Variants in LRRC37A2 observed in about 807,000 individuals in gnomAD.
The protein encoded by LRRC37A2 is leucine rich repeat containing 37 member A2.
A neutral mutation model predicts 68.8 loss-of-function variants in LRRC37A2; 9 were observed. The observed-to-expected ratio is 0.13, with a 90% CI of 0.08 to 0.23. LRRC37A2 has a LOEUF of 0.23. LRRC37A2 is among the 10% of genes least tolerant of loss of function. The pLI, the probability that LRRC37A2 is intolerant of heterozygous loss-of-function variation, is 1.00. For missense variants in LRRC37A2, 168 were observed against 950.4 expected (o/e 0.18, Z 10.82); for synonymous variants, 63 against 367.6 (o/e 0.17, Z 9.48).
the LRRC37A2 span, among the ~76,000 whole-genome samples, chr17:46,897,153 G>A: frequency 6.6e-6 from 1 of 152,228 alleles, no homozygotes; most frequent in Non-Finnish European, 1.5e-5. Context: ...GCACCAGGCA[G>A]ACTCTGGCTT....
At chr17:46,768,413 C>T in the LRRC37A2 span, 4 of 1,613,990 alleles carry the variant, frequency 2.5e-6, no homozygotes, top group Non-Finnish European at 3.4e-6. The surrounding 1 kb of genome is among the most constrained non-coding windows in gnomAD (Gnocchi z 5.0). Flanking sequence ...TTTCCTTCCG[C>T]TTCTCCGTCC....
chr17:46,839,704 C>T, the LRRC37A2 span, among the ~76,000 whole-genome samples: 1 of 152,092 alleles, frequency 6.6e-6, no homozygotes, highest in African/African-American at 2.4e-5. Flanking sequence ...CAAGAGGCCC[C>T]AGTGTGTGAT....
chr17:46,776,631 C>T, the LRRC37A2 span, among the ~76,000 whole-genome samples: 2 of 152,158 alleles, frequency 1.3e-5, no homozygotes, highest in Non-Finnish European at 2.9e-5. Flanking sequence ...CCAGCCCAGC[C>T]CTGCTGTGCC....
At chr17:46,931,087 T>C in the LRRC37A2 span, 4 of 1,367,564 alleles carry the variant, frequency 2.9e-6, no homozygotes, top group Non-Finnish European at 4.2e-6. Context: ...TTCTTTTTTC[T>C]TTTTTGTACA....
At chr17:46,910,700 G>A in the LRRC37A2 span, among the ~76,000 whole-genome samples, 436 of 152,322 alleles carry the variant, frequency 2.9e-3, 1 homozygote, top group Non-Finnish European at 4.7e-3. Context: ...CTGAGTGGTC[G>A]GGAAGGCTGC....
the LRRC37A2 span, among the ~76,000 whole-genome samples, chr17:46,762,060 GAC>G: frequency 2.6e-5 from 4 of 152,252 alleles, no homozygotes; most frequent in Non-Finnish European, 5.9e-5. Context: ...GCAGGGGACA[GAC>G]AATTTTCAGT....
chr17:46,875,319 G>A, the LRRC37A2 span: 4 of 1,613,176 alleles, frequency 2.5e-6, no homozygotes, highest in Admixed American at 5.0e-5. Context: ...AGGAAACAAG[G>A]ACCTGCGGGC....
At chr17:46,878,536 C>T in the LRRC37A2 span, among the ~76,000 whole-genome samples, 1 of 152,234 alleles carries the variant, frequency 6.6e-6, no homozygotes, top group African/African-American at 2.4e-5. Flanking sequence ...CTGGCCCACA[C>T]CTTGGCAGCA....
chr17:46,914,409 G>A, the LRRC37A2 span, among the ~76,000 whole-genome samples: 1 of 151,998 alleles, frequency 6.6e-6, no homozygotes, highest in Non-Finnish European at 1.5e-5. Flanking sequence ...GGCACTTTGG[G>A]AGGCCGAGGC....
chr17:46,862,401 T>C, the LRRC37A2 span, among the ~76,000 whole-genome samples: 46 of 152,212 alleles, frequency 3.0e-4, no homozygotes, highest in African/African-American at 1.1e-3. Flanking sequence ...ACAAAGCCCA[T>C]AATATTCTCC....
the LRRC37A2 span, among the ~76,000 whole-genome samples, chr17:46,493,516 A>G: frequency 1.7e-5 from 2 of 115,412 alleles, no homozygotes; most frequent in African/African-American, 3.8e-5. Context: ...CTTTATTGTT[A>G]TTCTTCTTTT....
the LRRC37A2 span, among the ~76,000 whole-genome samples, chr17:46,774,642 A>G: frequency 6.6e-6 from 1 of 152,220 alleles, no homozygotes; most frequent in Non-Finnish European, 1.5e-5. Context: ...ACACCAGGTG[A>G]CTGGTCAATT....
At chr17:46,392,477 T>C in the LRRC37A2 span, among the ~76,000 whole-genome samples, 34 of 60,606 alleles carry the variant, frequency 5.6e-4, no homozygotes, top group African/African-American at 1.8e-3. Flanking sequence ...TTCTTTCCTT[T>C]CTTTCTTTCC....
the LRRC37A2 span, among the ~76,000 whole-genome samples, chr17:46,862,556 G>T: frequency 8.5e-3 from 1,291 of 152,280 alleles, 18 homozygotes; most frequent in African/African-American, 0.029. Context: ...ACTGCGAGAG[G>T]TTGTGCAAGC....
the LRRC37A2 span, among the ~76,000 whole-genome samples, chr17:46,824,288 G>A: frequency 0.39 from 58,873 of 152,026 alleles, 13,527 homozygotes; most frequent in East Asian, 0.69. Context: ...TTGCTCTGTC[G>A]CTCAGGCTGG....
chr17:46,889,930 C>T, the LRRC37A2 span, among the ~76,000 whole-genome samples: 9 of 152,224 alleles, frequency 5.9e-5, no homozygotes, highest in Non-Finnish European at 1.2e-4. Flanking sequence ...GGATCATGTT[C>T]GTTAAAACAA....
At chr17:46,818,420 GC>G in the LRRC37A2 span, 1 of 1,236,444 alleles carries the variant, frequency 8.1e-7, no homozygotes, top group East Asian at 2.5e-5. Context: ...GAGGAGAGGA[GC>G]CCCAGCCCTG....
At chr17:46,958,411 G>A in the LRRC37A2 span, among the ~76,000 whole-genome samples, 1 of 152,240 alleles carries the variant, frequency 6.6e-6, no homozygotes, top group Non-Finnish European at 1.5e-5. Flanking sequence ...TGGGAAACGT[G>A]TGTGGGGGCT....
At chr17:46,944,141 T>A in the LRRC37A2 span, among the ~76,000 whole-genome samples, 1 of 152,134 alleles carries the variant, frequency 6.6e-6, no homozygotes, top group Non-Finnish European at 1.5e-5. Flanking sequence ...TGGCTGACAG[T>A]ACAAGAGGGG....
Sources: allele counts gnomAD v4.1 joint callset (sites outside exome capture counted in the v4.1 genomes callset), GRCh38; gene constraint gnomAD v4.1.1; non-coding constraint Gnocchi (gnomAD v3.1); transcripts MANE v1.5; gene names NCBI Gene and HGNC (gene_info 2026-07-23, HGNC 2026-07-21).